The following TMEM117 variants were observed in gnomAD, a reference collection of about 807,000 sequenced individuals.
The protein encoded by TMEM117 is transmembrane protein 117.
In TMEM117, 27 loss-of-function variants were observed where a neutral mutation model predicts 52.4. The ratio of observed to expected loss-of-function variants is 0.51; its 90% CI spans 0.38 to 0.71. The LOEUF (loss-of-function observed/expected upper bound fraction) is 0.71, where lower values mean the gene tolerates loss of function less well. TMEM117 is among the 30% of genes least tolerant of loss of function. The pLI is 0.00. For synonymous variants in TMEM117, 215 were observed against 206.3 expected, an observed-to-expected ratio of 1.04 and a Z score of -0.36; for missense variants, 556 against 630.5, an observed-to-expected ratio of 0.88 and a Z score of 1.26.
rs533522612 is a variant in TMEM117, at chr12:44,377,197, A to G, written c.898+473A>G. ...GGGAAGACAAATCTTTGCTGTGGAG[A>G]GTCATTTCTGCCATACTCCATATGC... On this transcript the variant is annotated intron_variant, in intron 7 of 7. Coordinates refer to ENST00000266534, the MANE Select transcript of TMEM117 (RefSeq NM_032256.3). Among the ~76,000 whole-genome samples, 20 of 152,200 alleles carry G rather than the reference A, an allele frequency of 1.3e-4. No homozygotes were observed. In the South Asian group the frequency reaches 3.7e-3, roughly 28 times the overall value.
chr12:44,342,388 G>A (rs1325352172), intron 6 of TMEM117, among the ~76,000 whole-genome samples: 1 of 152,114 alleles, frequency 6.6e-6, no homozygotes, highest in Non-Finnish European at 1.5e-5. Context: ...CATGACCTTG[G>A]GAGAAGGTGG....
intron 3 of TMEM117, among the ~76,000 whole-genome samples, chr12:44,032,456 G>A (rs920688026): frequency 6.6e-6 from 1 of 152,198 alleles, no homozygotes; most frequent in Non-Finnish European, 1.5e-5. Context: ...AGAGAGATGG[G>A]TAATGTAAAA....
intron 3 of TMEM117, among the ~76,000 whole-genome samples, chr12:44,126,902 G>A (rs887901024): frequency 7.9e-5 from 12 of 152,182 alleles, no homozygotes; most frequent in African/African-American, 2.7e-4. Context: ...TCAAAAAGGA[G>A]CCAGAAGAAA....
At chr12:44,246,888 G>C (rs74695697) in intron 5 of TMEM117, among the ~76,000 whole-genome samples, 2,634 of 152,236 alleles carry the variant, frequency 0.017, 61 homozygotes, top group East Asian at 0.056. Flanking sequence ...GATGCTTGAT[G>C]GTCTAAAAAC....
chr12:43,862,215 C>G (rs906919753), intron 2 of TMEM117, among the ~76,000 whole-genome samples: 13 of 152,180 alleles, frequency 8.5e-5, no homozygotes, highest in African/African-American at 3.1e-4. Context: ...TTTGCCCAGG[C>G]TGGAGTGCAG....
chr12:44,253,291 G>C (rs1267306605), intron 5 of TMEM117, among the ~76,000 whole-genome samples: 1 of 152,162 alleles, frequency 6.6e-6, no homozygotes, highest in Non-Finnish European at 1.5e-5. Context: ...CAAGAATCAA[G>C]AGACAGGATA....
the TMEM117 span, among the ~76,000 whole-genome samples, chr12:44,397,185 G>T: frequency 0.011 from 1,737 of 152,220 alleles, 39 homozygotes; most frequent in African/African-American, 0.039. Context: ...GTCAGAGGGG[G>T]CAGCTAGAAG....
intron 5 of TMEM117, among the ~76,000 whole-genome samples, chr12:44,237,262 C>T (rs1013806396): frequency 4.6e-5 from 7 of 152,012 alleles, no homozygotes; most frequent in Admixed American, 4.6e-4. Context: ...TGAGATGTGA[C>T]AGACGTCATT....
intron 4 of TMEM117, among the ~76,000 whole-genome samples, chr12:44,145,274 T>A (rs951695609): frequency 7.2e-5 from 11 of 152,292 alleles, no homozygotes; most frequent in East Asian, 1.9e-4. Flanking sequence ...TTTAAAAAAA[T>A]TTTTTGACAT....
At chr12:43,990,113 A>T (rs1428907931) in intron 3 of TMEM117, among the ~76,000 whole-genome samples, 3 of 152,156 alleles carry the variant, frequency 2.0e-5, no homozygotes, top group Non-Finnish European at 4.4e-5. Flanking sequence ...AATTATAAGA[A>T]AATTGATTTA....
intron 3 of TMEM117, among the ~76,000 whole-genome samples, chr12:44,075,118 G>T (rs1349450587): frequency 1.3e-5 from 2 of 152,172 alleles, no homozygotes; most frequent in East Asian, 3.8e-4. Flanking sequence ...TTGTCTACAT[G>T]TAAGAGACTA....
At chr12:44,254,264 A>G (rs1374016873) in intron 5 of TMEM117, among the ~76,000 whole-genome samples, 2 of 152,054 alleles carry the variant, frequency 1.3e-5, no homozygotes, top group African/African-American at 4.8e-5. Flanking sequence ...TACATGCTAG[A>G]AAGTTGTTTT....
chr12:44,118,113 A>C (rs150460958), intron 3 of TMEM117, among the ~76,000 whole-genome samples: 1 of 152,146 alleles, frequency 6.6e-6, no homozygotes, highest in African/African-American at 2.4e-5. Context: ...ATATCAGGTG[A>C]CATTTTCCTT....
intron 2 of TMEM117, among the ~76,000 whole-genome samples, chr12:43,878,736 T>A (rs1301231169): frequency 6.6e-6 from 1 of 152,192 alleles, no homozygotes; most frequent in Non-Finnish European, 1.5e-5. Context: ...TGTAAAATCA[T>A]TTTAAAATGA....
At chr12:44,229,070 G>A (rs755458342) in intron 5 of TMEM117, among the ~76,000 whole-genome samples, 1 of 152,028 alleles carries the variant, frequency 6.6e-6, no homozygotes, top group Non-Finnish European at 1.5e-5. Context: ...AGGGAAAATA[G>A]ACATGAGGAG....
intron 6 of TMEM117, among the ~76,000 whole-genome samples, chr12:44,374,901 G>A (rs748697431): frequency 1.3e-5 from 2 of 152,104 alleles, no homozygotes; most frequent in Middle Eastern, 3.4e-3. Context: ...ATAATGCTTC[G>A]TGTCATTTAT....
At chr12:44,099,980 T>C (rs1947834789) in intron 3 of TMEM117, among the ~76,000 whole-genome samples, 1 of 151,644 alleles carries the variant, frequency 6.6e-6, no homozygotes, top group Non-Finnish European at 1.5e-5. Context: ...AACAGTAATA[T>C]CAGACTAAAA....
At chr12:43,959,024 G>T (rs1296608694) in intron 3 of TMEM117, among the ~76,000 whole-genome samples, 1 of 152,028 alleles carries the variant, frequency 6.6e-6, no homozygotes, top group Non-Finnish European at 1.5e-5. Context: ...CGCCAGGATG[G>T]TCTTGATCTC....
chr12:43,821,179 G>C, the TMEM117 span, among the ~76,000 whole-genome samples: 1 of 151,508 alleles, frequency 6.6e-6, no homozygotes, highest in Non-Finnish European at 1.5e-5. Flanking sequence ...AAATTATTTA[G>C]GACTATAGAA....
Sources: gnomAD v4.1 joint callset for allele counts (sites outside exome capture counted in the v4.1 genomes callset) on GRCh38, gnomAD v4.1.1 for gene constraint, MANE v1.5 for transcripts, NCBI Gene and HGNC (gene_info 2026-07-23, HGNC 2026-07-21) for gene names.